The following SVOPL variants were observed in gnomAD, a reference collection of about 807,000 sequenced individuals.
SVOPL encodes the protein putative transporter SVOPL.
A neutral mutation model predicts 61.0 loss-of-function variants in SVOPL; 60 were observed. The observed-to-expected ratio is 0.98, with a 90% CI of 0.80 to 1.22. The LOEUF (loss-of-function observed/expected upper bound fraction) is 1.22, where lower values mean the gene tolerates loss of function less well. Ranked by LOEUF, SVOPL falls within the 50% of genes most tolerant of loss-of-function variation. The pLI, the probability that SVOPL is intolerant of heterozygous loss-of-function variation, is 0.00. For synonymous variants in SVOPL, 279 were observed against 250.0 expected, an observed-to-expected ratio of 1.12 and a Z score of -1.09; for missense variants, 662 against 643.9, an observed-to-expected ratio of 1.03 and a Z score of -0.30.
intron 9 of SVOPL, among the ~76,000 whole-genome samples, chr7:138,631,828 CA>C: frequency 6.6e-6 from 1 of 152,204 alleles, no homozygotes; most frequent in African/African-American, 2.4e-5. Context: ...CTTGGCCTCC[CA>C]AAGTGCTTAG....
At chr7:138,666,702 G>C (rs552015676) in intron 4 of SVOPL, among the ~76,000 whole-genome samples, 1 of 152,276 alleles carries the variant, frequency 6.6e-6, no homozygotes, top group South Asian at 2.1e-4. Context: ...TTTGTTTTCT[G>C]TAGTTCACCT....
intron 3 of SVOPL, among the ~76,000 whole-genome samples, chr7:138,676,901 T>C (rs1322927725): frequency 1.2e-5 from 1 of 84,918 alleles, no homozygotes; most frequent in African/African-American, 1.0e-4. Context: ...TGGGGTTCCT[T>C]TTTTTTTTTT....
intron 14 of SVOPL, among the ~76,000 whole-genome samples, chr7:138,618,036 C>A (rs1316734687): frequency 7.2e-5 from 11 of 152,178 alleles, no homozygotes; most frequent in Non-Finnish European, 1.5e-4. Context: ...GCAGCTCACA[C>A]CACCCTAAAC....
rs534485066 is a variant in SVOPL at position 138,666,199 on chromosome 7, C to G, written c.274-3054G>C. ...ACTTTCCTTGCCTTCCTGGATACAC[C>G]TATGGCCCGGCCACGGTTCGCCATG... On this transcript the variant is annotated intron_variant, in intron 4 of 15. Coordinates refer to ENST00000674285, the MANE Select transcript of SVOPL (RefSeq NM_001139456.2). 1.8e-4 allele frequency among the ~76,000 whole-genome samples: 28 copies of G among 152,360 alleles called. No homozygotes were observed. The South Asian group carries it at 5.8e-3, about 32-fold the overall frequency.
At chr7:138,614,136 C>T (rs1799178223) in intron 14 of SVOPL, among the ~76,000 whole-genome samples, 1 of 152,146 alleles carries the variant, frequency 6.6e-6, no homozygotes, top group African/African-American at 2.4e-5. Flanking sequence ...TTTTGGTGCT[C>T]TAACTGCCAA....
chr7:138,622,254 G>GTATCTATCTATGTATC (rs1799689940), intron 13 of SVOPL, among the ~76,000 whole-genome samples: 1 of 52,888 alleles, frequency 1.9e-5, no homozygotes, highest in Admixed American at 2.0e-4. Flanking sequence ...ATCTATCTAT[G>GTATCTATCTATGTATC]TATCTATCTA....
At chr7:138,669,317 A>G (rs1802356718) in intron 4 of SVOPL, among the ~76,000 whole-genome samples, 1 of 152,142 alleles carries the variant, frequency 6.6e-6, no homozygotes, top group South Asian at 2.1e-4. Flanking sequence ...CTAAGGCAAG[A>G]GGATTATTTG....
chr7:138,639,375 C>T (rs1393553506), intron 9 of SVOPL, among the ~76,000 whole-genome samples: 10 of 151,988 alleles, frequency 6.6e-5, no homozygotes, highest in African/African-American at 1.9e-4. Flanking sequence ...GCCTGTAATC[C>T]CAGCACTTTG....
chr7:138,681,819 T>A (rs1196799837), intron 1 of SVOPL, among the ~76,000 whole-genome samples: 1 of 151,980 alleles, frequency 6.6e-6, no homozygotes, highest in Non-Finnish European at 1.5e-5. Context: ...TGAGACTCCA[T>A]CTCAAAAAAC....
chr7:138,601,497 TAAG>T (rs1276182034), intron 14 of SVOPL, among the ~76,000 whole-genome samples: 1 of 150,134 alleles, frequency 6.7e-6, no homozygotes, highest in Non-Finnish European at 1.5e-5. Flanking sequence ...AAACTAATAA[TAAG>T]AAGCCAGGCA....
chr7:138,675,511 AC>A (rs1430008845), intron 3 of SVOPL, among the ~76,000 whole-genome samples: 1 of 151,668 alleles, frequency 6.6e-6, no homozygotes, highest in Admixed American at 6.6e-5. Flanking sequence ...GTGCCACCAT[AC>A]CCCGGTAATT....
intron 1 of SVOPL, among the ~76,000 whole-genome samples, chr7:138,692,995 CT>C (rs1802977013): frequency 6.6e-6 from 1 of 152,018 alleles, no homozygotes; most frequent in Admixed American, 6.6e-5. Flanking sequence ...AGGACTAGAG[CT>C]ATAAGTGTAC....
At chr7:138,699,282 C>A (rs959286480) in intron 1 of SVOPL, among the ~76,000 whole-genome samples, 1 of 151,816 alleles carries the variant, frequency 6.6e-6, no homozygotes, top group African/African-American at 2.4e-5. Context: ...CCATCCTGGG[C>A]GACAACAGCG....
intron 4 of SVOPL, among the ~76,000 whole-genome samples, chr7:138,668,583 C>G (rs1563131451): frequency 6.6e-6 from 1 of 152,160 alleles, no homozygotes; most frequent in Non-Finnish European, 1.5e-5. Flanking sequence ...TTCCCAGCCT[C>G]CAAGACACAG....
chr7:138,627,562 A>C, intron 11 of SVOPL, 101 bp from the exon 12 acceptor site: 1 of 837,936 alleles, frequency 1.2e-6, no homozygotes, highest in Non-Finnish European at 1.9e-6. Flanking sequence ...GAAAGAAGCA[A>C]CTTCATCCAA....
At chr7:138,612,447 T>TAAAAAAAAAAAAAAAAAAAAAAAAA in intron 14 of SVOPL, among the ~76,000 whole-genome samples, 2 of 22,298 alleles carry the variant, frequency 9.0e-5, no homozygotes, top group Admixed American at 4.6e-4. Flanking sequence ...AAAAAAAAAA[T>TAAAAAAAAAAAAAAAAAAAAAAAAA]AAAAAAAAAA....
chr7:138,661,933 C>G, intron 5 of SVOPL: 1 of 985,446 alleles, frequency 1.0e-6, no homozygotes, highest in Non-Finnish European at 1.2e-6. Context: ...GCAACACCAC[C>G]CCTTACCCCC....
At chr7:138,605,102 T>G (rs531389759) in intron 14 of SVOPL, among the ~76,000 whole-genome samples, 86 of 140,718 alleles carry the variant, frequency 6.1e-4, no homozygotes, top group African/African-American at 2.2e-3. Flanking sequence ...GTAGAGGAAA[T>G]GAAAAGAACC....
rs548056625 is a variant in SVOPL at position 138,676,398 on chromosome 7, T to C, written c.174+2036A>G. 1.3e-4 allele frequency among the ~76,000 whole-genome samples: 20 copies of C among 152,328 alleles called. 1 individual carries two copies. The South Asian group carries it at 4.1e-3, about 32-fold the overall frequency. ...GCCCAAGATCAAAGTGCCAGCAGGT[T>C]CTGCTGCCCGGAGAGGACCTACTCC... On this transcript the variant is annotated intron_variant, in intron 3 of 15. Coordinates refer to ENST00000674285, the MANE Select transcript of SVOPL (RefSeq NM_001139456.2).
Sources: gnomAD v4.1 joint callset for allele counts (sites outside exome capture counted in the v4.1 genomes callset) on GRCh38, gnomAD v4.1.1 for gene constraint, MANE v1.5 for transcripts, NCBI Gene and HGNC (gene_info 2026-07-23, HGNC 2026-07-21) for gene names.